Variants in F13B observed in about 807,000 individuals in gnomAD.
F13B encodes TGase.
In F13B, 58 loss-of-function variants were observed where a neutral mutation model predicts 79.8. The ratio of observed to expected loss-of-function variants is 0.73; its 90% CI spans 0.59 to 0.90. F13B has a LOEUF of 0.90. Among genes scored for constraint, F13B ranks in the 40% least tolerant of loss-of-function variants. F13B has a pLI of 0.00. For missense variants in F13B, 773 were observed against 777.0 expected, an observed-to-expected ratio of 0.99 and a Z score of 0.06; for synonymous variants, 283 against 260.3, an observed-to-expected ratio of 1.09 and a Z score of -0.84.
chr1:197,046,222 A>G (rs1028419146), intron 10 of F13B, among the ~76,000 whole-genome samples: 1 of 152,192 alleles, frequency 6.6e-6, no homozygotes, highest in African/African-American at 2.4e-5. Context: ...AGGAATTCAA[A>G]TTGTCCCTGT....
Position 197,057,154 on chromosome 1 carries a change from T to C in F13B, c.1030A>G (p.Asn344Asp), listed in dbSNP as rs1285950135. 1 of 1,613,914 alleles carries C rather than the reference T, an allele frequency of 6.2e-7. No individual in the cohort carries two copies. Residue 344 changes from asparagine (N) to aspartate (D), a missense_variant, in exon 7 of 12, where the codon AAT becomes GAT. Asn to Asp is a conservative substitution (Grantham distance 23, BLOSUM62 1). Coordinates refer to ENST00000367412, the MANE Select transcript of F13B (RefSeq NM_001994.3). ...TTAGAGTGTAAATTTGCTGCACCAT[T>C]TTCAATGAAGGGTGGTTCCTCACAG... ...VACEEPPFIE[N>D]GAANLHSKIY... is the part of the protein sequence containing the mutation.
Position 197,061,664 on chromosome 1 carries a change from G to T in F13B, c.451+120C>A, listed in dbSNP as rs993034770. On this transcript the variant is annotated intron_variant, in intron 3 of 11. Transcript: ENST00000367412. ...AAAAGCAATGTAATATCAACTTCCT[G>T]CATTGTAGACATAATGAAAAATAAA... 7.1e-6 allele frequency: 6 copies of T among 848,352 alleles called. No individual in the cohort carries two copies. The African/African-American group carries it at 1.0e-4, about 14-fold the overall frequency. 52.6% of individuals were successfully genotyped at this position (848,352 alleles called of 1,614,324 possible).
intron 5 of F13B, among the ~76,000 whole-genome samples, chr1:197,059,380 C>T (rs1655762324): frequency 6.6e-6 from 1 of 152,068 alleles, no homozygotes; most frequent in African/African-American, 2.4e-5. Flanking sequence ...TCTGGCAATC[C>T]CACTGCATAC....
At chr1:197,056,267 A>T in intron 7 of F13B, among the ~76,000 whole-genome samples, 1 of 152,050 alleles carries the variant, frequency 6.6e-6, no homozygotes, top group East Asian at 1.9e-4. Flanking sequence ...ATTCCTCTTC[A>T]TCTCAGGTCT....
chr1:197,045,167 C>T (rs979155160), intron 10 of F13B, among the ~76,000 whole-genome samples: 2 of 151,992 alleles, frequency 1.3e-5, no homozygotes, highest in African/African-American at 4.8e-5. Flanking sequence ...CAGAGCAGAA[C>T]TGAAGGAAAT....
intron 5 of F13B, among the ~76,000 whole-genome samples, chr1:197,059,283 A>G (rs190268217): frequency 1.3e-5 from 2 of 152,260 alleles, no homozygotes; most frequent in African/African-American, 4.8e-5. Context: ...CTACTTCTCT[A>G]CTACTATACC....
In F13B at chr1:197,060,530, G is replaced by A. The variant is rs753482978; in HGVS notation, c.641C>T (p.Ser214Phe). 1.9e-6 allele frequency: 3 copies of A among 1,585,784 alleles called. No homozygotes were observed. The highest frequency in any genetic ancestry group is 2.6e-6 in the Non-Finnish European group (3 of 1,161,030). The change falls in exon 5 of 12, where the codon TCT becomes TTT. Residue 214 changes from serine to phenylalanine, a missense_variant. Ser to Phe is a radical substitution (Grantham distance 155). Transcript: ENST00000367412. ...ACCATTTTCAATTAATCTTAAAGAA[G>A]AGCACTTTAATTCTGCAAATAAAAG... ...LTPKCTKLKC[S>F]SLRLIENGYF...
Position 197,042,798 on chromosome 1 carries a change from G to A in F13B, c.1739-2063C>T, listed in dbSNP as rs548602667. Among the ~76,000 whole-genome samples the A allele has an allele frequency of 4.7e-4, 55 of 117,312 alleles. 2 individuals are homozygous for A. Among genetic ancestry groups the A allele is most frequent in the African/African-American group, 1.5e-3 (54 of 36,316 alleles). 77.0% of individuals were successfully genotyped at this position (117,312 alleles called of 152,430 possible). ...ATCGCACCACTGCACTCCAGCCTGG[G>A]CAACAAAAGGAGACTGTCTAAAAAA... is the stretch of plus-strand genomic sequence containing the variant. On this transcript the variant is annotated intron_variant, in intron 10 of 11. Coordinates refer to ENST00000367412, the MANE Select transcript of F13B (RefSeq NM_001994.3).
Position 197,055,757 on chromosome 1 carries a change from G to T in F13B, c.1312C>A (p.Arg438Ser), listed in dbSNP as rs748341394. The change falls in exon 8 of 12, where the codon CGT (arginine) becomes AGT (serine). Residue 438 changes from arginine to serine, a missense_variant. Physicochemically the swap from Arg to Ser is moderately radical, Grantham distance 110 (BLOSUM62 -1). Coordinates refer to ENST00000367412, the MANE Select transcript of F13B (RefSeq NM_001994.3). Reference protein sequence around the residue: ...YYLLRGSKISRCEQGKWSSPP... With the variant: ...YYLLRGSKISSCEQGKWSSPP... ...GATGACCATTTTCCTTGTTCGCAAC[G>T]AGATATTTTTGATCCCCTCAGTAAG... is the stretch of plus-strand genomic sequence containing the variant. The T allele has an allele frequency of 6.2e-7, 1 of 1,613,460 alleles. No homozygotes were observed. The highest frequency in any genetic ancestry group is 1.1e-5 in the South Asian group (1 of 91,058).
At chr1:197,056,655 G>A (rs1463432929) in intron 7 of F13B, among the ~76,000 whole-genome samples, 9 of 152,260 alleles carry the variant, frequency 5.9e-5, no homozygotes, top group South Asian at 4.1e-4. Flanking sequence ...CTCATGGCCC[G>A]TCACTCAATC....
At chr1:197,051,297 T>A (rs1172014813) in intron 9 of F13B, among the ~76,000 whole-genome samples, 2 of 152,204 alleles carry the variant, frequency 1.3e-5, no homozygotes, top group African/African-American at 4.8e-5. Context: ...TGTATTTTTA[T>A]AATTAGAATC....
intron 9 of F13B, among the ~76,000 whole-genome samples, chr1:197,051,610 T>A (rs376928558): frequency 1.2e-4 from 18 of 152,228 alleles, no homozygotes; most frequent in African/African-American, 4.3e-4. Context: ...TTTCCCTTCA[T>A]AAAATTGACT....
intron 5 of F13B, among the ~76,000 whole-genome samples, chr1:197,057,896 G>T (rs1655706047): frequency 6.6e-6 from 1 of 152,186 alleles, no homozygotes; most frequent in Non-Finnish European, 1.5e-5. Flanking sequence ...TCAGCAGTCT[G>T]CAAAGCACTG....
intron 10 of F13B, among the ~76,000 whole-genome samples, chr1:197,046,173 G>A (rs1655222139): frequency 6.6e-6 from 1 of 152,158 alleles, no homozygotes. Flanking sequence ...AGGGCAATCT[G>A]TCAAGAGAAA....
chr1:197,048,980 A>T (rs1052251074), intron 10 of F13B, among the ~76,000 whole-genome samples: 2 of 152,006 alleles, frequency 1.3e-5, no homozygotes, highest in Non-Finnish European at 2.9e-5. Context: ...AAATCCCCTA[A>T]ATATTCAGAA....
At position 197,060,961 on chromosome 1, in the gene F13B, C is replaced by T. The variant is rs777593663; in HGVS notation, c.566G>A (p.Gly189Glu). The T allele has an allele frequency of 1.2e-6, 2 of 1,613,284 alleles. No individual in the cohort carries two copies. The highest frequency in any genetic ancestry group is 1.1e-5 in the South Asian group (1 of 91,062). The part of the protein sequence containing the change: ...ECATGYYTAG[G>E]KKTEEVECLT... ...ACATTCTACCTCCTCTGTCTTCTTT[C>T]CTCCAGCTGTGTAGTAGCCAGTAGC... The change falls in exon 4 of 12, where the codon GGA (glycine) becomes GAA (glutamate). Residue 189 changes from glycine (G) to glutamate (E), a missense_variant. Gly to Glu is a moderately conservative substitution (Grantham distance 98, BLOSUM62 -2). Coordinates refer to ENST00000367412, the MANE Select transcript of F13B (RefSeq NM_001994.3).
chr1:197,065,529 A>G (rs1021152649), intron 1 of F13B, among the ~76,000 whole-genome samples: 3 of 152,180 alleles, frequency 2.0e-5, no homozygotes, highest in Non-Finnish European at 2.9e-5. Context: ...AAAATGGACA[A>G]TATGAGGTGT....
chr1:197,052,165 A>T (rs922152005), intron 9 of F13B, among the ~76,000 whole-genome samples: 1 of 152,098 alleles, frequency 6.6e-6, no homozygotes, highest in Non-Finnish European at 1.5e-5. Context: ...GGGTTTTTAC[A>T]TTTAAATCTT....
chr1:197,052,498 G>C (rs1414415695), intron 9 of F13B, 136 bp downstream of exon 9: 2 of 607,770 alleles, frequency 3.3e-6, no homozygotes, highest in Non-Finnish European at 5.5e-6. Context: ...AGAACTCAAA[G>C]TAAAATAAAA....
Sources: gnomAD v4.1 joint callset for allele counts (sites outside exome capture counted in the v4.1 genomes callset) on GRCh38, gnomAD v4.1.1 for gene constraint, MANE v1.5 for transcripts, NCBI Gene and HGNC (gene_info 2026-07-23, HGNC 2026-07-21) for gene names.